ASTN2: variants seen among roughly 807,000 people sequenced by gnomAD.
The protein encoded by ASTN2 is astrotactin 2.
ASTN2 carries 54 observed loss-of-function variants against 139.8 expected under a neutral mutation model. The observed-to-expected ratio is 0.39, with a 90% CI of 0.31 to 0.48. The LOEUF (loss-of-function observed/expected upper bound fraction) is 0.48. ASTN2 is among the 20% of genes least tolerant of loss of function. ASTN2 has a pLI of 0.95. For missense variants in ASTN2, 1,565 were observed against 1,725.1 expected (o/e 0.91, Z 1.64); for synonymous variants, 756 against 719.5 (o/e 1.05, Z -0.81).
chr9:117,072,567 C>T (rs371588087), intron 5 of ASTN2, among the ~76,000 whole-genome samples: 77 of 152,238 alleles, frequency 5.1e-4, no homozygotes, highest in African/African-American at 1.7e-3. Context: ...ACAATGGAAT[C>T]GTCAATTTGA....
chr9:117,045,838 T>G (rs1217964598), intron 5 of ASTN2, among the ~76,000 whole-genome samples: 1 of 152,074 alleles, frequency 6.6e-6, no homozygotes, highest in African/African-American at 2.4e-5. Context: ...AATTTATTTC[T>G]TAGAGTGGCA....
rs867408421 is a variant in ASTN2 at position 117,298,743 on chromosome 9, T to G, written c.443-7230A>C. Among the ~76,000 whole-genome samples, 1,253 of 149,624 alleles carry G rather than the reference T, an allele frequency of 8.4e-3. 22 individuals are homozygous for G. Among genetic ancestry groups the G allele is most frequent in the African/African-American group, 0.029 (1,190 of 40,622 alleles). ...GTGTGTGTGTGTGTGTATATATATATATCTTAAAATAGTCTATACAGCTGA... is the reference window on the plus strand; with the variant it reads ...GTGTGTGTGTGTGTGTATATATATAGATCTTAAAATAGTCTATACAGCTGA... On this transcript the variant is annotated intron_variant, in intron 1 of 22. Coordinates refer to ENST00000313400, the MANE Select transcript of ASTN2 (RefSeq NM_001365068.1).
chr9:116,745,253 A>T (rs1829204026), intron 13 of ASTN2, among the ~76,000 whole-genome samples: 1 of 152,208 alleles, frequency 6.6e-6, no homozygotes, highest in African/African-American at 2.4e-5. Flanking sequence ...TTTCCAATCC[A>T]GTCCTGTTTC....
At chr9:116,686,476 C>T (rs1860214533) in intron 16 of ASTN2, among the ~76,000 whole-genome samples, 1 of 152,182 alleles carries the variant, frequency 6.6e-6, no homozygotes, top group Admixed American at 6.5e-5. Flanking sequence ...CCTTTGTGCT[C>T]CTAAGCTGTA....
intron 1 of ASTN2, among the ~76,000 whole-genome samples, chr9:117,295,015 A>G (rs967286211): frequency 4.6e-5 from 7 of 152,194 alleles, no homozygotes. Context: ...AACTTTCTAC[A>G]GCAGTTATCA....
At position 116,912,623 on chromosome 9, in the gene ASTN2, G is replaced by A. The variant is rs895050522; in HGVS notation, c.1890-48890C>T. Among the ~76,000 whole-genome samples, 6 of 152,174 alleles carry A rather than the reference G, an allele frequency of 3.9e-5. No homozygotes were observed. In the East Asian group the frequency reaches 1.2e-3, roughly 29 times the overall value. ...GTGTATTTCATCCGGAGAATGATTTGTTTTCTGAAATCTGGGACTCGGCTG... is the reference window on the plus strand; with the variant it reads ...GTGTATTTCATCCGGAGAATGATTTATTTTCTGAAATCTGGGACTCGGCTG... On this transcript the variant is annotated intron_variant, in intron 10 of 22. Coordinates refer to ENST00000313400, the MANE Select transcript of ASTN2 (RefSeq NM_001365068.1).
At chr9:117,318,758 G>A (rs971785926) in intron 1 of ASTN2, among the ~76,000 whole-genome samples, 8 of 152,142 alleles carry the variant, frequency 5.3e-5, no homozygotes, top group South Asian at 2.1e-4. Context: ...GCAGGTACAC[G>A]TCTCAGTCCC....
intron 5 of ASTN2, among the ~76,000 whole-genome samples, chr9:117,087,743 T>G (rs910628107): frequency 2.0e-5 from 3 of 152,160 alleles, no homozygotes; most frequent in African/African-American, 7.2e-5. Flanking sequence ...CTGCTACACT[T>G]ATCCTCCTTT....
At chr9:116,948,915 C>T (rs1835481496) in intron 10 of ASTN2, among the ~76,000 whole-genome samples, 1 of 150,038 alleles carries the variant, frequency 6.7e-6, no homozygotes, top group African/African-American at 2.5e-5. Context: ...CCTCAGCCTC[C>T]CGAGTAGCTG....
At chr9:116,570,028 T>C (rs1254935505) in intron 19 of ASTN2, among the ~76,000 whole-genome samples, 1 of 152,184 alleles carries the variant, frequency 6.6e-6, no homozygotes, top group African/African-American at 2.4e-5. Context: ...TACCATGGGG[T>C]GGAAAAGTCA....
chr9:117,202,731 A>G (rs1381200697), intron 3 of ASTN2, among the ~76,000 whole-genome samples: 1 of 152,126 alleles, frequency 6.6e-6, no homozygotes, highest in Non-Finnish European at 1.5e-5. Flanking sequence ...TTCCCTTTGT[A>G]GGTGACCTGG....
chr9:116,621,695 A>G (rs1049779724), intron 17 of ASTN2, among the ~76,000 whole-genome samples: 3 of 152,228 alleles, frequency 2.0e-5, no homozygotes, highest in Admixed American at 1.3e-4. Context: ...CCTTATTCAC[A>G]TGAATATTCC....
chr9:117,004,114 CTATT>C (rs1490853537), intron 7 of ASTN2, among the ~76,000 whole-genome samples: 26 of 151,896 alleles, frequency 1.7e-4, no homozygotes, highest in South Asian at 8.3e-4. Flanking sequence ...TCCAGTTGGG[CTATT>C]TATTTATTGA....
At chr9:116,541,223 T>A (rs1270786942) in intron 19 of ASTN2, among the ~76,000 whole-genome samples, 1 of 152,246 alleles carries the variant, frequency 6.6e-6, no homozygotes, top group South Asian at 2.1e-4. Flanking sequence ...TAACAGAAAA[T>A]AAAATGTGAT....
At chr9:116,632,252 G>GGAAGGAAAGAAAGAAAGAAA (rs1554723352) in intron 17 of ASTN2, among the ~76,000 whole-genome samples, 25 of 70,924 alleles carry the variant, frequency 3.5e-4, no homozygotes, top group African/African-American at 1.4e-4. Context: ...AAAGAAAGAA[G>GGAAGGAAAGAAAGAAAGAAA]GAAAGAAAGA....
intron 3 of ASTN2, among the ~76,000 whole-genome samples, chr9:117,213,324 G>A (rs7852284): frequency 0.36 from 54,129 of 151,946 alleles, 9,696 homozygotes; most frequent in East Asian, 0.42. Flanking sequence ...GACAGGAATA[G>A]GGAGAAATTT....
At chr9:117,030,732 T>A (rs1332899613) in intron 6 of ASTN2, among the ~76,000 whole-genome samples, 1 of 151,734 alleles carries the variant, frequency 6.6e-6, no homozygotes, top group Admixed American at 6.6e-5. Flanking sequence ...TTTATGGATT[T>A]AGACATTCCT....
At chr9:116,823,222 C>T (rs1439229560) in intron 11 of ASTN2, among the ~76,000 whole-genome samples, 1 of 152,228 alleles carries the variant, frequency 6.6e-6, no homozygotes, top group East Asian at 1.9e-4. Context: ...TAGGTACCGT[C>T]AGGATTCCCA....
chr9:116,500,343 A>C (rs1481519731), intron 19 of ASTN2, among the ~76,000 whole-genome samples: 1 of 152,336 alleles, frequency 6.6e-6, no homozygotes, highest in Non-Finnish European at 1.5e-5. Context: ...GGGAAGGTGA[A>C]TCTCCGGAAA....
Sources: gnomAD v4.1 joint callset for allele counts (sites outside exome capture counted in the v4.1 genomes callset) on GRCh38, gnomAD v4.1.1 for gene constraint, MANE v1.5 for transcripts, NCBI Gene and HGNC (gene_info 2026-07-23, HGNC 2026-07-21) for gene names.